SCG3: variants seen among roughly 807,000 people sequenced by gnomAD.
The protein encoded by SCG3 is secretogranin III, also known as secretogranin-3.
SCG3 carries 38 observed loss-of-function variants against 56.2 expected under a neutral mutation model. The ratio of observed to expected loss-of-function variants is 0.68; its 90% CI spans 0.52 to 0.89. The LOEUF (loss-of-function observed/expected upper bound fraction) is 0.89. Among genes scored for constraint, SCG3 ranks in the 40% least tolerant of loss-of-function variants. The pLI, the probability that SCG3 is intolerant of heterozygous loss-of-function variation, is 0.00. For missense variants in SCG3, 524 were observed against 540.7 expected (o/e 0.97, Z 0.31); for synonymous variants, 176 against 184.2 (o/e 0.96, Z 0.36).
chr15:51,711,479 T>C (rs2055420367), intron 10 of SCG3, among the ~76,000 whole-genome samples: 1 of 152,248 alleles, frequency 6.6e-6, no homozygotes, highest in Non-Finnish European at 1.5e-5. Flanking sequence ...CAAATCATTA[T>C]TCATTAAAGT....
chr15:51,719,772 T>C lies in SCG3; in HGVS notation c.*246T>C. 1 of 466,506 alleles carries C rather than the reference T, an allele frequency of 2.1e-6. No individual in the cohort carries two copies. The highest frequency in any genetic ancestry group is 3.1e-5 in the South Asian group (1 of 32,038). 28.9% of individuals were successfully genotyped at this position (466,506 alleles called of 1,614,324 possible). Reference sequence around the variant, plus strand: ...CCTTATTTCCTCATAGACTTATATTTTATAATCAGAATATGTTGCTTTGAA... The same window carrying C: ...CCTTATTTCCTCATAGACTTATATTCTATAATCAGAATATGTTGCTTTGAA... On this transcript the variant is annotated 3_prime_UTR_variant, in exon 12 of 12. Transcript: ENST00000220478.
At chr15:51,718,675 G>T (rs2055475365) in intron 11 of SCG3, among the ~76,000 whole-genome samples, 1 of 152,130 alleles carries the variant, frequency 6.6e-6, no homozygotes, top group Non-Finnish European at 1.5e-5. Flanking sequence ...GTCATAGGCA[G>T]CCTCCTTACC....
intron 9 of SCG3, 87 bp from the exon 10 acceptor site, chr15:51,701,020 C>T (rs1419819176): frequency 6.5e-7 from 1 of 1,533,436 alleles, no homozygotes; most frequent in Non-Finnish European, 8.9e-7. Context: ...TCAAACTGTA[C>T]CTTGTCAATA....
chr15:51,689,400 GGTGTGTGT>G (rs3841591), intron 6 of SCG3, 32 bp downstream of exon 6: 8 of 1,177,392 alleles, frequency 6.8e-6, no homozygotes, highest in African/African-American at 3.2e-5. Flanking sequence ...TATGCATGGG[GGTGTGTGT>G]GTGTGTGTGT....
intron 8 of SCG3, among the ~76,000 whole-genome samples, chr15:51,697,785 A>T (rs2055313292): frequency 6.6e-6 from 1 of 152,246 alleles, no homozygotes; most frequent in Non-Finnish European, 1.5e-5. Context: ...ACTTACATAC[A>T]TATTAATGTA....
chr15:51,689,396 TGG>T (rs761803593), intron 6 of SCG3, 28 bp downstream of exon 6: 60,349 of 1,244,746 alleles, frequency 0.048, 970 homozygotes, highest in East Asian at 0.11. Context: ...TGCATATGCA[TGG>T]GGGTGTGTGT....
Position 51,689,372 on chromosome 15 carries a change from T to C in SCG3, c.690+4T>C. ...TGGAAAAATACCAGAGAAAGTGGTA[T>C]GTATGTGTATATATGCATATGCATG... On this transcript the variant is annotated splice_donor_region_variant and intron_variant, in intron 6 of 11. Coordinates refer to ENST00000220478, the MANE Select transcript of SCG3 (RefSeq NM_013243.4). The C allele has an allele frequency of 1.2e-6, 2 of 1,610,732 alleles. No individual in the cohort carries two copies. Among genetic ancestry groups the C allele is most frequent in the East Asian group, 4.5e-5 (2 of 44,586 alleles).
At chr15:51,700,215 A>G (rs2141570410) in intron 9 of SCG3, among the ~76,000 whole-genome samples, 1 of 152,250 alleles carries the variant, frequency 6.6e-6, no homozygotes, top group Non-Finnish European at 1.5e-5. Context: ...TTGTACCACA[A>G]CTGTGAAAAA....
At chr15:51,695,766 A>G in intron 7 of SCG3, 109 bp from the exon 8 acceptor site, 1 of 708,524 alleles carries the variant, frequency 1.4e-6, no homozygotes, top group Non-Finnish European at 2.4e-6. Context: ...GTCTTTGAAA[A>G]AAAAAAAAAA....
chr15:51,701,772 G>A (rs1443691311), intron 10 of SCG3, among the ~76,000 whole-genome samples: 1 of 152,242 alleles, frequency 6.6e-6, no homozygotes, highest in South Asian at 2.1e-4. Context: ...CAGGCATGGT[G>A]GCACATGCCT....
rs776183525 is a variant in SCG3 at position 51,692,139 on chromosome 15, T to C, written c.691-20T>C. ...GTTCTAACAAAATGTTCATTTTTTA[T>C]TGATTTTTCCCCACTGGAGACTCCA... On this transcript the variant is annotated intron_variant, in intron 6 of 11. Coordinates refer to ENST00000220478, the MANE Select transcript of SCG3 (RefSeq NM_013243.4). The C allele has an allele frequency of 6.4e-7, 1 of 1,574,742 alleles. No individual in the cohort carries two copies. The highest frequency in any genetic ancestry group is 8.6e-7 in the Non-Finnish European group (1 of 1,162,490).
In SCG3 at chr15:51,713,339, C is replaced by G; in HGVS notation, c.1214C>G (p.Thr405Arg). 1 of 1,593,458 alleles carries G rather than the reference C, an allele frequency of 6.3e-7. No homozygotes were observed. Among genetic ancestry groups the G allele is most frequent in the Non-Finnish European group, 8.5e-7 (1 of 1,171,270 alleles). ...GGKTDEPKGKTEAYLEAIRKN... is the reference protein window; with the variant it reads ...GGKTDEPKGKREAYLEAIRKN... Reference sequence around the variant, plus strand: ...GTTCTCTTACCTCTTCCAGGAAAAACAGAAGCCTATTTGGAAGCCATCAGA... The same window carrying G: ...GTTCTCTTACCTCTTCCAGGAAAAAGAGAAGCCTATTTGGAAGCCATCAGA... The change falls in exon 11 of 12, where the codon ACA (threonine) becomes AGA (arginine). Residue 405 changes from threonine (T) to arginine (R), a missense_variant. Transcript: ENST00000220478.
At chr15:51,704,392 A>G (rs975666914) in intron 10 of SCG3, among the ~76,000 whole-genome samples, 1 of 150,694 alleles carries the variant, frequency 6.6e-6, no homozygotes, top group Non-Finnish European at 1.5e-5. Context: ...TTGTTTCTGT[A>G]CCGTCACCAC....
intron 10 of SCG3, among the ~76,000 whole-genome samples, chr15:51,705,550 CTCTA>C (rs1346270771): frequency 6.6e-6 from 1 of 150,446 alleles, no homozygotes; most frequent in Non-Finnish European, 1.5e-5. Context: ...GAGACAGAGT[CTCTA>C]TCTATCTCCC....
intron 8 of SCG3, among the ~76,000 whole-genome samples, chr15:51,696,760 A>C (rs1373267723): frequency 6.6e-6 from 1 of 152,048 alleles, no homozygotes; most frequent in Non-Finnish European, 1.5e-5. Flanking sequence ...AAACAATCAG[A>C]TCTCGTGAGA....
chr15:51,701,604 T>C (rs1481062622), intron 10 of SCG3, among the ~76,000 whole-genome samples: 1 of 152,264 alleles, frequency 6.6e-6, no homozygotes, highest in African/African-American at 2.4e-5. Context: ...AATAATCACA[T>C]ACTGCTTATT....
Position 51,689,969 on chromosome 15 carries a change from T to C in SCG3, c.690+601T>C, listed in dbSNP as rs1283097190. On this transcript the variant is annotated intron_variant, in intron 6 of 11. Coordinates refer to ENST00000220478, the MANE Select transcript of SCG3 (RefSeq NM_013243.4). ...TACATAATAATATGTGAAGTAACAATATCACATAATAACATCTGTGTGTAC... is the reference window on the plus strand; with the variant it reads ...TACATAATAATATGTGAAGTAACAACATCACATAATAACATCTGTGTGTAC... Among the ~76,000 whole-genome samples, 9 of 152,262 alleles carry C rather than the reference T, an allele frequency of 5.9e-5. No individual in the cohort carries two copies. The East Asian group carries it at 1.2e-3, about 20-fold the overall frequency.
At chr15:51,709,699 A>ATTTTT (rs2055404198) in intron 10 of SCG3, among the ~76,000 whole-genome samples, 1 of 18,422 alleles carries the variant, frequency 5.4e-5, no homozygotes, top group Non-Finnish European at 8.8e-5. Context: ...ATATATATAT[A>ATTTTT]TATTTTTTTT....
Position 51,701,152 on chromosome 15 carries a change from A to C in SCG3, c.1115A>C (p.Glu372Ala), listed in dbSNP as rs2055336905. The C allele has an allele frequency of 6.2e-7, 1 of 1,614,008 alleles. No individual in the cohort carries two copies. Among genetic ancestry groups the C allele is most frequent in the African/African-American group, 1.3e-5 (1 of 75,034 alleles). ...GAAGAAACAGACAGTACCAAGGAAG[A>C]AGCAGCTAAGATGGAAAAGGAATAT... ...SHEETDSTKE[E>A]AAKMEKEYGS... The change falls in exon 10 of 12, where the codon GAA becomes GCA. Residue 372 changes from glutamate to alanine, a missense_variant. Coordinates refer to ENST00000220478, the MANE Select transcript of SCG3 (RefSeq NM_013243.4).
Sources: gnomAD v4.1 joint callset for allele counts (sites outside exome capture counted in the v4.1 genomes callset) on GRCh38, gnomAD v4.1.1 for gene constraint, MANE v1.5 for transcripts, NCBI Gene and HGNC (gene_info 2026-07-23, HGNC 2026-07-21) for gene names.